Variants in FAM13A observed in about 807,000 individuals in gnomAD.
FAM13A encodes family with sequence similarity 13 member A.
FAM13A carries 76 observed loss-of-function variants against 129.6 expected under a neutral mutation model. The ratio of observed to expected loss-of-function variants is 0.59; its 90% CI spans 0.49 to 0.71. The LOEUF is 0.71. FAM13A is among the 30% of genes least tolerant of loss of function. FAM13A has a pLI of 0.00. For synonymous variants in FAM13A, 443 were observed against 449.9 expected, an observed-to-expected ratio of 0.98 and a Z score of 0.20; for missense variants, 1,108 against 1,249.3, an observed-to-expected ratio of 0.89 and a Z score of 1.70.
chr4:88,777,798 G>A (rs181329560), intron 11 of FAM13A, among the ~76,000 whole-genome samples: 409 of 152,240 alleles, frequency 2.7e-3, no homozygotes, highest in Non-Finnish European at 4.8e-3. Flanking sequence ...AATGGCTCTT[G>A]CTCCCATCTT....
At position 88,956,336 on chromosome 4, in the gene FAM13A, C is replaced by G. The variant is rs149778515; in HGVS notation, c.606-18095G>C. On this transcript the variant is annotated intron_variant, in intron 4 of 23. Transcript: ENST00000264344. The stretch of plus-strand genomic sequence containing the variant: ...TTGCCTACAGTATTCAGTACAGTAA[C>G]ATGCTGCACATGTTTGCAGACTAGC... Among the ~76,000 whole-genome samples, 836 of 152,314 alleles carry G rather than the reference C, an allele frequency of 5.5e-3. 8 individuals carry two copies. Among genetic ancestry groups the G allele is most frequent in the African/African-American group, 0.018 (760 of 41,564 alleles).
At chr4:88,897,537 A>G (rs1579175743) in intron 6 of FAM13A, among the ~76,000 whole-genome samples, 1 of 152,226 alleles carries the variant, frequency 6.6e-6, no homozygotes, top group Non-Finnish European at 1.5e-5. Context: ...GCTAATGGAC[A>G]TAAGCCATTT....
intron 6 of FAM13A, among the ~76,000 whole-genome samples, chr4:88,888,307 T>C (rs1424656156): frequency 6.6e-6 from 1 of 152,038 alleles, no homozygotes; most frequent in Non-Finnish European, 1.5e-5. Flanking sequence ...GATAGCTTTG[T>C]ACTGCCAGGC....
chr4:88,853,677 T>C (rs1457396306), intron 6 of FAM13A, among the ~76,000 whole-genome samples: 1 of 152,184 alleles, frequency 6.6e-6, no homozygotes, highest in East Asian at 1.9e-4. Flanking sequence ...AGTGTCAACT[T>C]GATTGAAGGA....
chr4:89,012,302 T>C (rs545116450), intron 3 of FAM13A, among the ~76,000 whole-genome samples: 34 of 152,286 alleles, frequency 2.2e-4, no homozygotes, highest in African/African-American at 7.5e-4. Context: ...GAGATAATCA[T>C]ACTATAAACC....
chr4:88,850,906 CTA>C (rs1390481853), intron 7 of FAM13A, 112 bp downstream of exon 7: 1 of 915,662 alleles, frequency 1.1e-6, no homozygotes, highest in African/African-American at 1.6e-5. Flanking sequence ...CTTTACTGAT[CTA>C]TATCCTGTAA....
chr4:89,053,629 G>T (rs2464517), intron 1 of FAM13A, among the ~76,000 whole-genome samples: 1 of 151,900 alleles, frequency 6.6e-6, no homozygotes, highest in Non-Finnish European at 1.5e-5. Context: ...GAGGCCTGGG[G>T]CATTCTTGAA....
At chr4:88,992,320 G>A (rs1254984476) in intron 3 of FAM13A, among the ~76,000 whole-genome samples, 2 of 150,556 alleles carry the variant, frequency 1.3e-5, no homozygotes, top group Non-Finnish European at 3.0e-5. Context: ...AGGCTGGAGT[G>A]CCATGGCACA....
At chr4:88,829,750 G>A (rs183517690) in intron 7 of FAM13A, among the ~76,000 whole-genome samples, 1 of 152,174 alleles carries the variant, frequency 6.6e-6, no homozygotes, top group African/African-American at 2.4e-5. Flanking sequence ...AGAGGAGTGC[G>A]TGTAGGTAAA....
rs71594862 is a variant in FAM13A, at chr4:88,730,394, TTTTC to T, written c.2945+929_2945+932del. 0.022 allele frequency among the ~76,000 whole-genome samples: 3,301 copies of T among 152,270 alleles called. 286 individuals are homozygous for T. In the East Asian group the frequency reaches 0.28, roughly 13 times the overall value. On this transcript the variant is annotated intron_variant, in intron 23 of 23. Transcript: ENST00000264344. ...CAACCAGGTAGATTTACTGCTTTTC[TTTTC>T]TTTGTTTTTTTTGAGACGAAGTCTT...
At chr4:88,787,956 A>G (rs1560994912) in intron 9 of FAM13A, 24 bp from the exon 10 acceptor site, 6 of 1,599,582 alleles carry the variant, frequency 3.8e-6, no homozygotes, top group Non-Finnish European at 4.3e-6. Flanking sequence ...ATGCAGAGTC[A>G]TTCAAGCAGT....
intron 4 of FAM13A, among the ~76,000 whole-genome samples, chr4:88,964,523 A>T (rs1009985422): frequency 1.4e-5 from 2 of 145,896 alleles, no homozygotes; most frequent in South Asian, 2.2e-4. Context: ...TTTTCTGGAA[A>T]TTTTTTTTTT....
rs144449923 is a variant in FAM13A at position 88,820,103 on chromosome 4, A to T, written c.1008-15051T>A. Among the ~76,000 whole-genome samples the T allele has an allele frequency of 5.5e-3, 837 of 152,310 alleles. 7 individuals carry two copies. The highest frequency in any genetic ancestry group is 0.019 in the African/African-American group (789 of 41,574). ...TCTGTCATTCTCATCTTGGCTACAG[A>T]TTAGCAGTAACAACGTATCTTCTAT... On this transcript the variant is annotated intron_variant, in intron 7 of 23. Transcript: ENST00000264344.
At chr4:88,881,798 T>C (rs1327285120) in intron 6 of FAM13A, among the ~76,000 whole-genome samples, 1 of 152,062 alleles carries the variant, frequency 6.6e-6, no homozygotes, top group East Asian at 1.9e-4. Context: ...TCACAACTTC[T>C]GGAAATGAAG....
chr4:88,784,730 G>T (rs1020047859), intron 10 of FAM13A, among the ~76,000 whole-genome samples: 16 of 152,036 alleles, frequency 1.1e-4, no homozygotes, highest in African/African-American at 3.6e-4. Flanking sequence ...TCACTTAAAT[G>T]ATGCTTTGCT....
intron 1 of FAM13A, among the ~76,000 whole-genome samples, chr4:89,044,828 C>A (rs1458048941): frequency 4.0e-5 from 6 of 151,682 alleles, no homozygotes; most frequent in Non-Finnish European, 8.8e-5. Flanking sequence ...CACAAAAAGA[C>A]AAAAATTGTC....
chr4:88,951,801 C>G (rs1475269400), intron 4 of FAM13A, among the ~76,000 whole-genome samples: 1 of 152,036 alleles, frequency 6.6e-6, no homozygotes, highest in Non-Finnish European at 1.5e-5. Context: ...TTATTAGAGT[C>G]TCTTATATAT....
intron 19 of FAM13A, among the ~76,000 whole-genome samples, chr4:88,746,160 C>T (rs112559324): frequency 0.01 from 1,557 of 152,250 alleles, 9 homozygotes; most frequent in Middle Eastern, 0.014. Flanking sequence ...AATCAGTGAA[C>T]CTAAACTTCG....
At chr4:88,933,769 C>G (rs1753413290) in intron 5 of FAM13A, among the ~76,000 whole-genome samples, 1 of 152,186 alleles carries the variant, frequency 6.6e-6, no homozygotes, top group Admixed American at 6.5e-5. Context: ...CTGTAATAAA[C>G]TCCTAATACA....
Sources: gnomAD v4.1 joint callset for allele counts (sites outside exome capture counted in the v4.1 genomes callset) on GRCh38, gnomAD v4.1.1 for gene constraint, MANE v1.5 for transcripts, NCBI Gene and HGNC (gene_info 2026-07-23, HGNC 2026-07-21) for gene names.